The following STAB2 variants were observed in gnomAD, a reference collection of about 807,000 sequenced individuals.
The protein encoded by STAB2 is stabilin-2.
Under a neutral mutation model 338.1 loss-of-function variants are expected in STAB2, and 288 were observed. The ratio of observed to expected loss-of-function variants is 0.85; its 90% CI spans 0.77 to 0.94. The LOEUF (loss-of-function observed/expected upper bound fraction) is 0.94, where lower values mean the gene tolerates loss of function less well. Ranked by LOEUF, STAB2 falls within the 40% of genes least tolerant of loss-of-function variation. The probability of loss-of-function intolerance (pLI) is 0.00; values close to 1 mark genes in which losing one functional copy is unlikely to be tolerated. For missense variants in STAB2, 3,141 were observed against 3,210.1 expected, an observed-to-expected ratio of 0.98 and a Z score of 0.52; for synonymous variants, 1,202 against 1,193.3, an observed-to-expected ratio of 1.01 and a Z score of -0.15.
Position 103,648,722 on chromosome 12 carries a change from G to A in STAB2, c.1073G>A (p.Gly358Asp), listed in dbSNP as rs1225996893. 3 of 1,614,100 alleles carry A rather than the reference G, an allele frequency of 1.9e-6. No individual in the cohort carries two copies. Among genetic ancestry groups the A allele is most frequent in the Non-Finnish European group, 2.5e-6 (3 of 1,179,998 alleles). Residue 358 changes from glycine to aspartate, a missense_variant, in exon 10 of 69, where the codon GGC becomes GAC. By Grantham distance (94) the Gly-to-Asp change is moderately conservative. Coordinates refer to ENST00000388887, the MANE Select transcript of STAB2 (RefSeq NM_017564.10). ...CICQKGYVGDGLTCYGNIMER... is the reference protein window; with the variant it reads ...CICQKGYVGDDLTCYGNIMER... Reference sequence around the variant, plus strand: ...TGCCAGAAAGGTTACGTGGGTGATGGCTTAACGTGTTATGGAAACATTATG... The same window carrying A: ...TGCCAGAAAGGTTACGTGGGTGATGACTTAACGTGTTATGGAAACATTATG...
intron 33 of STAB2, 39 bp downstream of exon 33, chr12:103,695,883 G>A: frequency 6.3e-7 from 1 of 1,592,594 alleles, no homozygotes; most frequent in Non-Finnish European, 8.6e-7. Flanking sequence ...GTTATTTTGT[G>A]AAAATTCAAA....
rs148680826 is a variant in STAB2 at position 103,684,823 on chromosome 12, A to G, written c.2902-166A>G. ...ATTAATAGCTGCATCAAACATGCAGACAGGAGACTTTCACTGCAACACTAA... is the reference window on the plus strand; with the variant it reads ...ATTAATAGCTGCATCAAACATGCAGGCAGGAGACTTTCACTGCAACACTAA... On this transcript the variant is annotated intron_variant, in intron 26 of 68. Transcript: ENST00000388887. 3.0e-3 allele frequency among the ~76,000 whole-genome samples: 464 copies of G among 152,338 alleles called. 5 individuals carry two copies. The highest frequency in any genetic ancestry group is 0.01 in the African/African-American group (436 of 41,576).
At position 103,742,398 on chromosome 12, in the gene STAB2, C is replaced by T; in HGVS notation, c.5882-7C>T. The stretch of plus-strand genomic sequence containing the variant: ...CTGTTGAGTCACTGCTGTTTCATCT[C>T]TTCCAGCCTGCCCTGGAGGACCAGA... On this transcript the variant is annotated splice_polypyrimidine_tract_variant and splice_region_variant and intron_variant, in intron 55 of 68. Transcript: ENST00000388887. 2.5e-6 allele frequency: 4 copies of T among 1,613,906 alleles called. No individual in the cohort carries two copies. The highest frequency in any genetic ancestry group is 3.4e-6 in the Non-Finnish European group (4 of 1,179,878).
intron 27 of STAB2, among the ~76,000 whole-genome samples, chr12:103,686,916 C>T (rs573188587): frequency 2.6e-5 from 4 of 152,312 alleles, no homozygotes; most frequent in African/African-American, 9.6e-5. Flanking sequence ...TCAGGTGCAC[C>T]TCAGCCCTCC....
At chr12:103,621,535 C>A (rs967714913) in intron 4 of STAB2, among the ~76,000 whole-genome samples, 1 of 152,114 alleles carries the variant, frequency 6.6e-6, no homozygotes, top group Non-Finnish European at 1.5e-5. Context: ...GAGTTCGAGA[C>A]CAACCTGGCC....
At chr12:103,746,841 C>G in intron 58 of STAB2, 137 bp downstream of exon 58, 1 of 772,806 alleles carries the variant, frequency 1.3e-6, no homozygotes, top group Non-Finnish European at 2.2e-6. Flanking sequence ...CTCTATGACT[C>G]AGTTTCTTTA....
chr12:103,729,520 T>C (rs1881471385), intron 48 of STAB2, among the ~76,000 whole-genome samples: 1 of 152,242 alleles, frequency 6.6e-6, no homozygotes, highest in African/African-American at 2.4e-5. Flanking sequence ...AAATACTCCC[T>C]TGATATAGAC....
In STAB2 at chr12:103,717,769, G is replaced by GGC; in HGVS notation, c.4612_4613dup (p.Ala1539LeufsTer23). 2.5e-6 allele frequency: 4 copies of GGC among 1,614,136 alleles called. No individual in the cohort carries two copies. Among genetic ancestry groups the GGC allele is most frequent in the Non-Finnish European group, 3.4e-6 (4 of 1,179,994 alleles). On this transcript the variant is annotated frameshift_variant and splice_region_variant. Coordinates refer to ENST00000388887, the MANE Select transcript of STAB2 (RefSeq NM_017564.10). LOFTEE classifies it high-confidence loss of function. ...CCCCATGTGCTTCTACTCCTGGACA[G>GGC]GCTGCCTGTAACTGTTTGCCAGCAT...
At chr12:103,589,597 T>C (rs907673432) in intron 1 of STAB2, among the ~76,000 whole-genome samples, 1 of 152,150 alleles carries the variant, frequency 6.6e-6, no homozygotes, top group African/African-American at 2.4e-5. Context: ...TGTCTTTTAA[T>C]GGAGTGCAAA....
intron 33 of STAB2, among the ~76,000 whole-genome samples, chr12:103,698,391 T>C (rs915202197): frequency 6.6e-6 from 1 of 151,960 alleles, no homozygotes; most frequent in East Asian, 1.9e-4. Flanking sequence ...GGGTTAGTGG[T>C]TGGGAAGAGA....
chr12:103,625,704 C>A (rs549249567), intron 5 of STAB2, among the ~76,000 whole-genome samples: 1 of 152,198 alleles, frequency 6.6e-6, no homozygotes, highest in Non-Finnish European at 1.5e-5. Context: ...ATTTTTATGG[C>A]TGCATAGTAT....
chr12:103,730,082 C>T, intron 48 of STAB2, 34 bp from the exon 49 acceptor site: 1 of 1,548,190 alleles, frequency 6.5e-7, no homozygotes, highest in East Asian at 2.3e-5. Flanking sequence ...TTTCACTTTG[C>T]ACTCATTTCT....
intron 2 of STAB2, chr12:103,591,978 T>C (rs978880416): frequency 3.3e-5 from 5 of 152,242 alleles, no homozygotes; most frequent in East Asian, 1.9e-4. Context: ...AAATGAAATC[T>C]TAACACTATT....
chr12:103,680,955 G>A (rs931534477), intron 25 of STAB2, among the ~76,000 whole-genome samples: 4 of 152,232 alleles, frequency 2.6e-5, no homozygotes, highest in Non-Finnish European at 4.4e-5. Context: ...AGAGATTACC[G>A]TGGCCAGGGC....
intron 12 of STAB2, among the ~76,000 whole-genome samples, chr12:103,653,693 T>C (rs1873934495): frequency 6.9e-6 from 1 of 144,362 alleles, no homozygotes; most frequent in Non-Finnish European, 1.5e-5. Flanking sequence ...CATGGATAGG[T>C]CACTGGATGG....
At chr12:103,665,399 G>A (rs1345957215) in intron 18 of STAB2, among the ~76,000 whole-genome samples, 2 of 152,172 alleles carry the variant, frequency 1.3e-5, no homozygotes, top group East Asian at 3.8e-4. Flanking sequence ...AAGAGATTCT[G>A]ATGAAGGAGC....
chr12:103,737,858 T>G (rs1332679920), intron 53 of STAB2, 78 bp downstream of exon 53: 13 of 1,569,538 alleles, frequency 8.3e-6, no homozygotes, highest in Admixed American at 1.8e-5. Flanking sequence ...TGGACCCTGT[T>G]GTGAAACCAT....
At chr12:103,621,304 G>T (rs917005565) in intron 4 of STAB2, among the ~76,000 whole-genome samples, 1 of 143,794 alleles carries the variant, frequency 7.0e-6, no homozygotes, top group Non-Finnish European at 1.6e-5. Flanking sequence ...AGGCTTACCG[G>T]TTCAAGATTT....
intron 2 of STAB2, among the ~76,000 whole-genome samples, chr12:103,591,957 T>A (rs1169321917): frequency 6.6e-6 from 1 of 152,190 alleles, no homozygotes; most frequent in African/African-American, 2.4e-5. Flanking sequence ...TTTTTTTTTT[T>A]ATTTTGCATG....
Sources: allele counts gnomAD v4.1 joint callset (sites outside exome capture counted in the v4.1 genomes callset), GRCh38; gene constraint gnomAD v4.1.1; transcripts MANE v1.5; gene names NCBI Gene and HGNC (gene_info 2026-07-23, HGNC 2026-07-21).